SYT1: variants seen among roughly 807,000 people sequenced by gnomAD.
The protein encoded by SYT1 is synaptotagmin-1.
In SYT1, 8 loss-of-function variants were observed where a neutral mutation model predicts 44.8. The observed-to-expected ratio is 0.18, with a 90% CI of 0.10 to 0.32. SYT1 has a LOEUF of 0.32. Among genes scored for constraint, SYT1 ranks in the 10% least tolerant of loss-of-function variants. The pLI is 1.00. For synonymous variants in SYT1, 154 were observed against 188.8 expected (o/e 0.82, Z 1.51); for missense variants, 286 against 509.3 (o/e 0.56, Z 4.22).
intron 3 of SYT1, among the ~76,000 whole-genome samples, chr12:79,108,267 A>T (rs1239835425): frequency 6.6e-6 from 1 of 151,880 alleles, no homozygotes; most frequent in African/African-American, 2.4e-5. Context: ...GTATTTTTTT[A>T]AAAAGTTGTT....
At chr12:79,381,801 A>G (rs1432876063) in intron 9 of SYT1, among the ~76,000 whole-genome samples, 3 of 152,274 alleles carry the variant, frequency 2.0e-5, no homozygotes, top group Non-Finnish European at 2.9e-5. Context: ...AATGTTTTCT[A>G]CATCTTGTTA....
intron 1 of SYT1, among the ~76,000 whole-genome samples, chr12:78,973,752 T>C (rs1868543812): frequency 6.6e-6 from 1 of 150,972 alleles, no homozygotes; most frequent in Admixed American, 6.6e-5. Flanking sequence ...ATTTTCAAAA[T>C]AATGCGTTTG....
At chr12:78,868,580 A>G (rs1016597651) in intron 1 of SYT1, 2 of 151,912 alleles carry the variant, frequency 1.3e-5, no homozygotes, top group Non-Finnish European at 2.9e-5. Context: ...ATGTGTGTGT[A>G]TATACATATG....
At chr12:78,961,153 C>T (rs1879480698) in intron 1 of SYT1, among the ~76,000 whole-genome samples, 1 of 151,954 alleles carries the variant, frequency 6.6e-6, no homozygotes, top group Admixed American at 6.6e-5. Flanking sequence ...TGTCATGCAG[C>T]CTGGAGTGCA....
chr12:79,315,201 A>G lies in SYT1; in HGVS notation c.810+15650A>G, dbSNP rs947642249. 2.0e-5 allele frequency among the ~76,000 whole-genome samples: 3 copies of G among 151,918 alleles called. No homozygotes were observed. In the East Asian group the frequency reaches 5.8e-4, roughly 29 times the overall value. On this transcript the variant is annotated intron_variant, in intron 8 of 10. Coordinates refer to ENST00000261205, the MANE Select transcript of SYT1 (RefSeq NM_005639.3). Reference sequence around the variant, plus strand: ...ATTTTTTATTTTCTTTATTATTTTTATATTAAATACAATTAAAAAAATTAT... The same window carrying G: ...ATTTTTTATTTTCTTTATTATTTTTGTATTAAATACAATTAAAAAAATTAT...
rs189774652 is a variant in SYT1, at chr12:79,166,817, C to T, written c.-17-50686C>T. ...AGATGCCTTTGCACAGTGGAAGGAT[C>T]CTTGGACTTGGTAGTTGAAAAAACT... is the stretch of plus-strand genomic sequence containing the variant. On this transcript the variant is annotated intron_variant, in intron 3 of 10. Coordinates refer to ENST00000261205, the MANE Select transcript of SYT1 (RefSeq NM_005639.3). Among the ~76,000 whole-genome samples the T allele has an allele frequency of 2.6e-5, 4 of 152,090 alleles. No individual in the cohort carries two copies. The East Asian group carries it at 7.8e-4, about 30-fold the overall frequency.
In SYT1 at chr12:78,865,092, TC is replaced by T. The variant is rs2137024544; in HGVS notation, c.-231del. The T allele has an allele frequency of 6.6e-6, 1 of 152,276 alleles. No individual in the cohort carries two copies. The highest frequency in any genetic ancestry group is 2.1e-4 in the South Asian group (1 of 4,812). The allele number at this position is 152,276 out of a possible 1,614,324, so 9.4% of individuals were successfully genotyped here. On this transcript the variant is annotated 5_prime_UTR_variant, in exon 1 of 11. Transcript: ENST00000261205. ...CTGGGGACCGAGACCCGGCACCACC[TC>T]CCGGTCCGCCCTCCAGGTAAGGAAG...
At chr12:78,973,598 A>T (rs953017159) in intron 1 of SYT1, among the ~76,000 whole-genome samples, 2 of 152,258 alleles carry the variant, frequency 1.3e-5, no homozygotes, top group African/African-American at 2.4e-5. Flanking sequence ...TATGGAATCA[A>T]CCTAAAGAAT....
chr12:79,028,447 T>C (rs540036805), intron 2 of SYT1, among the ~76,000 whole-genome samples: 61 of 151,480 alleles, frequency 4.0e-4, no homozygotes, highest in African/African-American at 5.1e-4. Context: ...CAAAGTTTTT[T>C]CTGTAGAGAA....
At chr12:79,375,599 T>C (rs1219262002) in intron 9 of SYT1, among the ~76,000 whole-genome samples, 1 of 152,212 alleles carries the variant, frequency 6.6e-6, no homozygotes, top group Non-Finnish European at 1.5e-5. Context: ...ATTCAAATCA[T>C]TTTCTTATCC....
intron 8 of SYT1, among the ~76,000 whole-genome samples, chr12:79,304,562 T>G (rs998468990): frequency 3.3e-5 from 5 of 152,206 alleles, no homozygotes; most frequent in African/African-American, 1.2e-4. Context: ...TGTCTCCCTC[T>G]TTGTAACCCT....
At chr12:78,971,784 G>C (rs966035159) in intron 1 of SYT1, among the ~76,000 whole-genome samples, 3 of 152,080 alleles carry the variant, frequency 2.0e-5, no homozygotes, top group African/African-American at 4.8e-5. Context: ...ACTTTTCACT[G>C]ACTAGACTGA....
At chr12:78,987,398 G>T (rs781226727) in intron 2 of SYT1, among the ~76,000 whole-genome samples, 2 of 152,100 alleles carry the variant, frequency 1.3e-5, no homozygotes, top group African/African-American at 4.8e-5. Flanking sequence ...AAAAGACCTC[G>T]CAGGCTATGC....
intron 9 of SYT1, among the ~76,000 whole-genome samples, chr12:79,386,924 A>G (rs1043344179): frequency 1.3e-5 from 2 of 152,134 alleles, no homozygotes; most frequent in African/African-American, 4.8e-5. Flanking sequence ...TTAAATTCAC[A>G]TATATGAAAG....
chr12:79,419,388 T>C (rs1868962054), intron 9 of SYT1: 2 of 441,324 alleles, frequency 4.5e-6, no homozygotes, highest in South Asian at 3.3e-5. Context: ...AATTCATCAG[T>C]CATAGTGGTA....
At chr12:79,404,514 T>C (rs1005206372) in intron 9 of SYT1, among the ~76,000 whole-genome samples, 20 of 152,166 alleles carry the variant, frequency 1.3e-4, no homozygotes, top group Non-Finnish European at 1.0e-4. Context: ...CAAGTCTTGC[T>C]GGATGGTCAG....
chr12:79,296,947 C>T (rs1337170854), intron 7 of SYT1, among the ~76,000 whole-genome samples: 1 of 151,790 alleles, frequency 6.6e-6, no homozygotes, highest in African/African-American at 2.4e-5. Context: ...CTTTAACGTG[C>T]GAAAAAAACT....
At chr12:78,935,629 A>T (rs971825996) in intron 1 of SYT1, among the ~76,000 whole-genome samples, 4 of 152,156 alleles carry the variant, frequency 2.6e-5, no homozygotes, top group Non-Finnish European at 4.4e-5. Context: ...GAAAAAATAA[A>T]ATAAATAAAA....
chr12:79,123,308 A>AGTGTGTGTGT (rs763524667), intron 3 of SYT1, among the ~76,000 whole-genome samples: 3,105 of 96,474 alleles, frequency 0.032, 49 homozygotes, highest in Non-Finnish European at 0.042. Flanking sequence ...CTAAAAATGC[A>AGTGTGTGTGT]ATGTGTGTGT....
Sources: gnomAD v4.1 joint callset for allele counts (sites outside exome capture counted in the v4.1 genomes callset) on GRCh38, gnomAD v4.1.1 for gene constraint, MANE v1.5 for transcripts, NCBI Gene and HGNC (gene_info 2026-07-23, HGNC 2026-07-21) for gene names.